DLG2: variants seen among roughly 807,000 people sequenced by gnomAD.
DLG2 encodes discs large MAGUK scaffold protein 2.
DLG2 carries 45 observed loss-of-function variants against 132.5 expected under a neutral mutation model. That is an observed-to-expected ratio of 0.34 (90% confidence interval 0.27 to 0.44). The LOEUF (loss-of-function observed/expected upper bound fraction) is 0.44. Ranked by LOEUF, DLG2 falls within the 20% of genes least tolerant of loss-of-function variation. DLG2 has a pLI of 1.00. For missense variants in DLG2, 1,045 were observed against 1,196.9 expected (o/e 0.87, Z 1.87); for synonymous variants, 424 against 419.6 (o/e 1.01, Z -0.13).
At chr11:83,862,403 A>G in intron 16 of DLG2, among the ~76,000 whole-genome samples, 1 of 152,126 alleles carries the variant, frequency 6.6e-6, no homozygotes, top group East Asian at 1.9e-4. Flanking sequence ...AAAACAACTG[A>G]ACTTATGGAT....
intron 17 of DLG2, among the ~76,000 whole-genome samples, chr11:83,811,888 T>C (rs1431207924): frequency 2.0e-5 from 3 of 152,072 alleles, no homozygotes; most frequent in East Asian, 3.9e-4. Flanking sequence ...CCCTATTTTT[T>C]CCCCTGCTGT....
chr11:84,359,998 A>G (rs1198837074), intron 7 of DLG2, among the ~76,000 whole-genome samples: 2 of 151,876 alleles, frequency 1.3e-5, no homozygotes, highest in Non-Finnish European at 2.9e-5. Context: ...AGAAAATGCA[A>G]TTGGTAGCTT....
chr11:85,456,640 G>C (rs1214622311), intron 3 of DLG2, among the ~76,000 whole-genome samples: 1 of 152,158 alleles, frequency 6.6e-6, no homozygotes, highest in African/African-American at 2.4e-5. Context: ...TGCCTTAGCT[G>C]TGTCCCAGAG....
intron 7 of DLG2, among the ~76,000 whole-genome samples, chr11:84,276,470 T>C (rs2097784043): frequency 6.6e-6 from 1 of 152,220 alleles, no homozygotes; most frequent in African/African-American, 2.4e-5. Flanking sequence ...TATTGAGCTC[T>C]ACTATGTGCC....
chr11:85,373,159 G>A (rs1485423876), intron 3 of DLG2, among the ~76,000 whole-genome samples: 1 of 152,044 alleles, frequency 6.6e-6, no homozygotes, highest in African/African-American at 2.4e-5. Flanking sequence ...CTGGCCAAAG[G>A]GTAAAGCTTT....
intron 7 of DLG2, among the ~76,000 whole-genome samples, chr11:84,482,085 TA>T (rs2099139287): frequency 6.6e-6 from 1 of 152,210 alleles, no homozygotes; most frequent in African/African-American, 2.4e-5. Context: ...ATTTTCTCTT[TA>T]AGCTGAGCAA....
chr11:84,874,380 G>A (rs1264296137), intron 6 of DLG2, among the ~76,000 whole-genome samples: 1 of 152,194 alleles, frequency 6.6e-6, no homozygotes, highest in African/African-American at 2.4e-5. Context: ...ATGGGAAGGA[G>A]CTTGATAATA....
At chr11:84,425,268 A>G (rs2098962704) in intron 7 of DLG2, among the ~76,000 whole-genome samples, 2 of 152,114 alleles carry the variant, frequency 1.3e-5, no homozygotes, top group Admixed American at 6.5e-5. Context: ...AAAGATAGAG[A>G]AGATATGACT....
intron 4 of DLG2, among the ~76,000 whole-genome samples, chr11:85,262,227 G>T (rs1005345658): frequency 1.3e-5 from 2 of 152,116 alleles, no homozygotes; most frequent in Non-Finnish European, 2.9e-5. Context: ...CATGTGGCAG[G>T]CCAGGTCTGA....
intron 6 of DLG2, among the ~76,000 whole-genome samples, chr11:85,015,708 G>T (rs1246085689): frequency 6.6e-6 from 1 of 152,016 alleles, no homozygotes; most frequent in Non-Finnish European, 1.5e-5. Context: ...ATCATACCGT[G>T]CCTGTTACTT....
rs139399525 is a variant in DLG2 at position 85,111,704 on chromosome 11, C to T, written c.314G>A (p.Cys105Tyr). The change falls in exon 6 of 28, where the codon TGT (cysteine) becomes TAT (tyrosine). Residue 105 changes from cysteine to tyrosine, a missense_variant. Around this residue, in one of 4 missense-constraint regions of DLG2, gnomAD observed 277 missense variants for 238.2 expected, o/e 1.16. Coordinates refer to ENST00000376104, the MANE Select transcript of DLG2 (RefSeq NM_001142699.3). ...QNQGRCPAQN[C>Y]SVEAPAWMPV... The stretch of plus-strand genomic sequence containing the variant: ...CATCCAAGCAGGGGCTTCCACTGAA[C>T]AATTCTGGGCTGGGCATCTGCCTTG... 1 of 1,563,068 alleles carries T rather than the reference C, an allele frequency of 6.4e-7. No homozygotes were observed. The highest frequency in any genetic ancestry group is 8.7e-7 in the Non-Finnish European group (1 of 1,152,990).
At chr11:84,980,565 T>C (rs1253614257) in intron 6 of DLG2, among the ~76,000 whole-genome samples, 3 of 152,182 alleles carry the variant, frequency 2.0e-5, no homozygotes, top group Admixed American at 6.5e-5. Context: ...CCTTCCTAGA[T>C]GCCCAGAACC....
At chr11:84,044,370 T>C (rs35804057) in intron 11 of DLG2, among the ~76,000 whole-genome samples, 3,398 of 151,890 alleles carry the variant, frequency 0.022, 70 homozygotes, top group Middle Eastern at 0.034. Context: ...GGCAGCTCAA[T>C]TGGACATTCT....
intron 3 of DLG2, among the ~76,000 whole-genome samples, chr11:85,351,968 A>C (rs1490338217): frequency 6.6e-6 from 1 of 152,218 alleles, no homozygotes; most frequent in Non-Finnish European, 1.5e-5. Context: ...TGATTGGAAT[A>C]GTTTCAGAAA....
At chr11:84,148,328 A>G (rs954277115) in intron 9 of DLG2, among the ~76,000 whole-genome samples, 2 of 152,094 alleles carry the variant, frequency 1.3e-5, no homozygotes, top group Non-Finnish European at 2.9e-5. Flanking sequence ...CCAGGAAGTG[A>G]GCATGGTCCT....
intron 6 of DLG2, among the ~76,000 whole-genome samples, chr11:84,572,047 AT>A (rs200865895): frequency 0.045 from 6,574 of 146,628 alleles, 270 homozygotes; most frequent in African/African-American, 0.11. Context: ...TGGATTCTAG[AT>A]TTTTTTTTTT....
At chr11:84,883,507 A>T (rs1214754745) in intron 6 of DLG2, among the ~76,000 whole-genome samples, 2 of 152,212 alleles carry the variant, frequency 1.3e-5, no homozygotes, top group East Asian at 3.9e-4. Context: ...GAATAATTTT[A>T]AAAAACAAAG....
Position 85,538,550 on chromosome 11 carries a change from T to C in DLG2, c.40+60107A>G, listed in dbSNP as rs957499381. Among the ~76,000 whole-genome samples, 13 of 151,878 alleles carry C rather than the reference T, an allele frequency of 8.6e-5. 1 individual carries two copies. Among genetic ancestry groups the C allele is most frequent in the African/African-American group, 1.9e-4 (8 of 41,156 alleles). ...AAAGATACATGCATCCATATGTCCA[T>C]TGCAGCACTTTTCACAATAGCAAAG... On this transcript the variant is annotated intron_variant, in intron 3 of 27. Coordinates refer to ENST00000376104, the MANE Select transcript of DLG2 (RefSeq NM_001142699.3).
intron 17 of DLG2, among the ~76,000 whole-genome samples, chr11:83,825,430 C>T (rs1357721789): frequency 6.6e-6 from 1 of 151,920 alleles, no homozygotes; most frequent in Non-Finnish European, 1.5e-5. Context: ...AACTGCCCAA[C>T]TCAGCCTCCC....
Sources: gnomAD v4.1 joint callset for allele counts (sites outside exome capture counted in the v4.1 genomes callset) on GRCh38, gnomAD v4.1.1 for gene constraint, gnomAD v4.1.1 regional missense constraint, MANE v1.5 for transcripts, NCBI Gene and HGNC (gene_info 2026-07-23, HGNC 2026-07-21) for gene names.